Variants in SNX29 observed in about 807,000 individuals in gnomAD.
SNX29 encodes the protein sorting nexin 29.
In SNX29, 78 loss-of-function variants were observed where a neutral mutation model predicts 102.1. The observed-to-expected ratio is 0.76, with a 90% CI of 0.64 to 0.92. SNX29 has a LOEUF of 0.92. Among genes scored for constraint, SNX29 ranks in the 40% least tolerant of loss-of-function variants. The pLI, the probability that SNX29 is intolerant of heterozygous loss-of-function variation, is 0.00. For synonymous variants in SNX29, 580 were observed against 414.5 expected, an observed-to-expected ratio of 1.40 and a Z score of -4.85; for missense variants, 1,280 against 1,061.7, an observed-to-expected ratio of 1.21 and a Z score of -2.86.
intron 13 of SNX29, among the ~76,000 whole-genome samples, chr16:12,190,606 A>G (rs972775611): frequency 1.3e-5 from 2 of 152,128 alleles, no homozygotes; most frequent in African/African-American, 2.4e-5. Flanking sequence ...GCAGACAGAG[A>G]ATCAGATCAA....
intron 11 of SNX29, chr16:12,089,762 T>A (rs2052410597): frequency 3.2e-6 from 1 of 316,754 alleles, no homozygotes; most frequent in Non-Finnish European, 6.1e-6. Flanking sequence ...CGATAGGATT[T>A]ACTCACTTCC....
chr16:12,186,803 T>A (rs912723230), intron 13 of SNX29, among the ~76,000 whole-genome samples: 2 of 152,210 alleles, frequency 1.3e-5, no homozygotes, highest in African/African-American at 2.4e-5. Context: ...ATGATTAGGT[T>A]CAGGTTATGT....
intron 20 of SNX29, among the ~76,000 whole-genome samples, chr16:12,562,122 T>G (rs1008169910): frequency 2.0e-5 from 3 of 152,206 alleles, no homozygotes; most frequent in African/African-American, 7.2e-5. Flanking sequence ...CTCTCCTGTG[T>G]GACCCCAAAA....
chr16:12,075,803 C>T (rs1489385417), intron 10 of SNX29, among the ~76,000 whole-genome samples: 1 of 152,244 alleles, frequency 6.6e-6, no homozygotes, highest in Non-Finnish European at 1.5e-5. Context: ...CCTCCTTGAG[C>T]TGTGGTGAGC....
chr16:12,559,000 T>C (rs1223497517), intron 20 of SNX29, among the ~76,000 whole-genome samples: 1 of 152,128 alleles, frequency 6.6e-6, no homozygotes, highest in Non-Finnish European at 1.5e-5. Context: ...TTTACACAGT[T>C]ATGGGGGAGA....
chr16:12,136,694 C>G (rs548849893), intron 13 of SNX29, among the ~76,000 whole-genome samples: 47 of 152,306 alleles, frequency 3.1e-4, no homozygotes, highest in African/African-American at 1.0e-3. Flanking sequence ...GGAAGAGACT[C>G]TTTCCTAATG....
At chr16:12,345,935 C>T (rs1009539307) in intron 15 of SNX29, among the ~76,000 whole-genome samples, 10 of 152,190 alleles carry the variant, frequency 6.6e-5, no homozygotes, top group African/African-American at 1.9e-4. Context: ...GTAGAATGCA[C>T]CTCTGTGTGC....
At chr16:12,161,273 T>C (rs1378730986) in intron 13 of SNX29, among the ~76,000 whole-genome samples, 2 of 152,234 alleles carry the variant, frequency 1.3e-5, no homozygotes, top group African/African-American at 4.8e-5. Context: ...TTCCAGCCTT[T>C]TCCCTTTCCA....
chr16:12,511,774 C>G (rs148071435), intron 19 of SNX29, among the ~76,000 whole-genome samples: 6 of 152,098 alleles, frequency 3.9e-5, no homozygotes, highest in Middle Eastern at 3.2e-3. Context: ...GTCATCCCCC[C>G]TCCCCCGCAA....
chr16:12,242,223 A>G (rs982907059), intron 14 of SNX29, among the ~76,000 whole-genome samples: 10 of 152,014 alleles, frequency 6.6e-5, no homozygotes, highest in African/African-American at 2.2e-4. Context: ...GCGGTGGACT[A>G]CAGCCTTGAA....
chr16:12,547,740 A>C lies in SNX29; in HGVS notation c.2319-20766A>C, dbSNP rs1016389741. ...CATGGCACCCATCACTGCCCCTCTA[A>C]GCCTCCTCCTGTGAAGCTGCAGCTG... On this transcript the variant is annotated intron_variant, in intron 20 of 20. Transcript: ENST00000566228. Among the ~76,000 whole-genome samples, 3 of 152,056 alleles carry C rather than the reference A, an allele frequency of 2.0e-5. No homozygotes were observed. In the East Asian group the frequency reaches 5.8e-4, roughly 29 times the overall value.
chr16:12,235,194 C>G (rs1282663242), intron 14 of SNX29, among the ~76,000 whole-genome samples: 2 of 152,236 alleles, frequency 1.3e-5, no homozygotes, highest in East Asian at 3.9e-4. Flanking sequence ...CTCACTCTTT[C>G]TTTCCTTTCT....
chr16:12,224,343 AGAGGGCCTGCCATAGGCCAG>A (rs904227251), intron 14 of SNX29, among the ~76,000 whole-genome samples: 2 of 152,010 alleles, frequency 1.3e-5, no homozygotes, highest in Non-Finnish European at 2.9e-5. Flanking sequence ...AACTGTTTTT[AGAGGGCCTGCCATAGGCCAG>A]GCCCCGGTGG....
At chr16:12,169,291 C>T (rs968384813) in intron 13 of SNX29, among the ~76,000 whole-genome samples, 2 of 152,292 alleles carry the variant, frequency 1.3e-5, no homozygotes, top group African/African-American at 4.8e-5. Flanking sequence ...AGGCTCAAAG[C>T]GCAAGTGACG....
chr16:12,023,994 C>T (rs376188588), intron 3 of SNX29, among the ~76,000 whole-genome samples: 9 of 152,246 alleles, frequency 5.9e-5, no homozygotes, highest in African/African-American at 1.9e-4. Flanking sequence ...GCTAAGTGCA[C>T]GGGAGCTCAC....
At chr16:12,105,369 C>G (rs977916025) in intron 11 of SNX29, among the ~76,000 whole-genome samples, 7 of 152,072 alleles carry the variant, frequency 4.6e-5, no homozygotes, top group African/African-American at 1.7e-4. Flanking sequence ...GGATTACAGG[C>G]ACACACCACC....
chr16:12,374,317 T>A (rs978934819), intron 16 of SNX29: 4 of 152,220 alleles, frequency 2.6e-5, no homozygotes, highest in African/African-American at 9.7e-5. Flanking sequence ...CCATGTGAGC[T>A]GAGCTATAAT....
intron 15 of SNX29, among the ~76,000 whole-genome samples, chr16:12,343,582 A>T (rs958886657): frequency 2.0e-5 from 3 of 152,080 alleles, no homozygotes; most frequent in Admixed American, 1.3e-4. Flanking sequence ...GCTTAGTATC[A>T]CAAGCCCTAG....
At chr16:12,176,447 C>T (rs1224178706) in intron 13 of SNX29, among the ~76,000 whole-genome samples, 3 of 152,188 alleles carry the variant, frequency 2.0e-5, no homozygotes, top group African/African-American at 7.2e-5. Context: ...GTGGGTTTTA[C>T]ATCCATAGAT....
Sources: allele counts gnomAD v4.1 joint callset (sites outside exome capture counted in the v4.1 genomes callset), GRCh38; gene constraint gnomAD v4.1.1; transcripts MANE v1.5; gene names NCBI Gene and HGNC (gene_info 2026-07-23, HGNC 2026-07-21).